The following RTL9 variants were observed in gnomAD, a reference collection of about 807,000 sequenced individuals.
The protein encoded by RTL9 is retrotransposon Gag like 9, also known as retrotransposon Gag-like protein 9.
RTL9 carries 19 observed loss-of-function variants against 44.7 expected under a neutral mutation model. The observed-to-expected ratio is 0.42, with a 90% CI of 0.30 to 0.62. The LOEUF (loss-of-function observed/expected upper bound fraction) is 0.62, where lower values mean the gene tolerates loss of function less well. Among genes scored for constraint, RTL9 ranks in the 20% least tolerant of loss-of-function variants. RTL9 has a pLI of 0.16. For synonymous variants in RTL9, 407 were observed against 398.9 expected (o/e 1.02, Z -0.24); for missense variants, 1,105 against 1,080.6 (o/e 1.02, Z -0.32).
upstream of RTL9, among the ~76,000 whole-genome samples, chrX:110,447,653 T>C (rs1208761661): frequency 1.8e-5 from 2 of 111,665 alleles, no homozygotes; most frequent in African/African-American, 6.5e-5. Context: ...AAAATGGGAA[T>C]GATCTCAGTG....
intron 1 of RTL9, among the ~76,000 whole-genome samples, chrX:110,406,993 C>T (rs1274286672): frequency 4.5e-5 from 5 of 111,515 alleles, no homozygotes; most frequent in Admixed American, 1.9e-4. Context: ...GAGCTGAATG[C>T]CTTCTTTGGC....
chrX:110,424,380 T>G (rs952008655), intron 1 of RTL9, among the ~76,000 whole-genome samples: 2 of 111,801 alleles, frequency 1.8e-5, no homozygotes, highest in Non-Finnish European at 3.8e-5. Flanking sequence ...CAGAACTGCA[T>G]TTTTCCAGCA....
intron 1 of RTL9, among the ~76,000 whole-genome samples, chrX:110,400,430 T>C (rs2068556481): frequency 9.1e-6 from 1 of 109,576 alleles, no homozygotes; most frequent in Non-Finnish European, 1.9e-5. Context: ...CCATGCCATA[T>C]TGGTTATCAT....
At chrX:110,384,094 A>G (rs1602953557) in intron 1 of RTL9, among the ~76,000 whole-genome samples, 1 of 112,030 alleles carries the variant, frequency 8.9e-6, no homozygotes, top group Non-Finnish European at 1.9e-5. Flanking sequence ...ACCTACTTGT[A>G]TATGTAATAT....
intron 1 of RTL9, among the ~76,000 whole-genome samples, chrX:110,433,688 G>C (rs979454987): frequency 9.0e-6 from 1 of 111,655 alleles, no homozygotes; most frequent in Non-Finnish European, 1.9e-5. Flanking sequence ...CATGAAAAGA[G>C]CTTAGGACAG....
In RTL9 at chrX:110,453,580, C is replaced by T. The variant is rs778799771; in HGVS notation, c.2963C>T (p.Thr988Met). 7 of 1,210,549 alleles carry T rather than the reference C, an allele frequency of 5.8e-6. No individual in the cohort carries two copies. Among genetic ancestry groups the T allele is most frequent in the African/African-American group, 5.2e-5 (3 of 57,371 alleles). ...ATGGAAACCATGGCCTCTGGAGCAA[C>T]GTCCACATTGCAAACCAGTGTTGCG... The change falls in exon 1 of 2, where the codon ACG (threonine) becomes ATG (methionine). Residue 988 changes from threonine (T) to methionine (M), a missense_variant. Transcript: ENST00000540313.
intron 1 of RTL9, among the ~76,000 whole-genome samples, chrX:110,361,101 C>T (rs1169676534): frequency 9.0e-6 from 1 of 110,637 alleles, no homozygotes; most frequent in Non-Finnish European, 1.9e-5. Flanking sequence ...CAAAACTGCC[C>T]CTGCCCACAA....
chrX:110,384,102 T>C (rs760132192), intron 1 of RTL9, among the ~76,000 whole-genome samples: 18 of 112,219 alleles, frequency 1.6e-4, no homozygotes, highest in African/African-American at 5.5e-4. Context: ...GTATATGTAA[T>C]ATACATGTGT....
exon 2 of RTL9, chrX:110,455,331 G>T (rs2068974396): frequency 8.3e-7 from 1 of 1,207,985 alleles, no homozygotes. Flanking sequence ...AAACTCCATG[G>T]AATCTTCTCC....
intron 1 of RTL9, among the ~76,000 whole-genome samples, chrX:110,364,791 T>C (rs1231661363): frequency 1.8e-5 from 2 of 112,024 alleles, no homozygotes; most frequent in African/African-American, 6.5e-5. Context: ...GATAGCATAA[T>C]ATTCTAAGTC....
intron 1 of RTL9, among the ~76,000 whole-genome samples, chrX:110,381,243 A>G (rs191269610): frequency 1.2e-4 from 13 of 111,920 alleles, no homozygotes; most frequent in African/African-American, 3.9e-4. Flanking sequence ...GCAAAAAACA[A>G]CCCCATTGAA....
chrX:110,429,233 T>G (rs2068777062), intron 1 of RTL9, among the ~76,000 whole-genome samples: 1 of 110,813 alleles, frequency 9.0e-6, no homozygotes, highest in Admixed American at 9.5e-5. Flanking sequence ...AAGGACTCTA[T>G]TTTGTTCATC....
At chrX:110,446,371 G>C (rs1234469142), upstream of RTL9, among the ~76,000 whole-genome samples, 1 of 110,935 alleles carries the variant, frequency 9.0e-6, no homozygotes, top group Non-Finnish European at 1.9e-5. Flanking sequence ...AAAATAAAGT[G>C]GTACAACCAT....
At position 110,451,709 on chromosome X, in the gene RTL9, G is replaced by A. The variant is rs751135044; in HGVS notation, c.1092G>A (p.Met364Ile). 5.8e-6 allele frequency: 7 copies of A among 1,209,570 alleles called. No homozygotes were observed. In the African/African-American group the frequency reaches 1.1e-4, roughly 18 times the overall value. Residue 364 changes from methionine to isoleucine, a missense_variant, in exon 1 of 2, where the codon ATG (methionine) becomes ATA (isoleucine). Met to Ile is a conservative substitution (Grantham distance 10, BLOSUM62 1). Coordinates refer to ENST00000540313, the Ensembl canonical transcript of RTL9. Reference sequence around the variant, plus strand: ...CTGGAGTGATGCCCACCCAAACGATGCCAGCCCCAGGCTCTGGGGCGATGT... The same window carrying A: ...CTGGAGTGATGCCCACCCAAACGATACCAGCCCCAGGCTCTGGGGCGATGT...
At chrX:110,409,138 G>C (rs1164335938) in intron 1 of RTL9, among the ~76,000 whole-genome samples, 3 of 111,472 alleles carry the variant, frequency 2.7e-5, no homozygotes, top group Non-Finnish European at 5.6e-5. Flanking sequence ...GCTGGAGTCA[G>C]GCATGTAGGT....
intron 1 of RTL9, among the ~76,000 whole-genome samples, chrX:110,378,223 G>T (rs770951969): frequency 2.5e-4 from 28 of 110,911 alleles, no homozygotes; most frequent in Middle Eastern, 9.3e-3. Flanking sequence ...GTATGGGAAG[G>T]TCCTTAATGC....
intron 1 of RTL9, among the ~76,000 whole-genome samples, chrX:110,375,837 GT>G (rs1188618793): frequency 8.9e-6 from 1 of 112,101 alleles, no homozygotes; most frequent in Non-Finnish European, 1.9e-5. Context: ...GACATTTTGA[GT>G]GAGGTAAATA....
intron 1 of RTL9, among the ~76,000 whole-genome samples, chrX:110,397,590 C>A (rs998315127): frequency 9.0e-6 from 1 of 110,903 alleles, no homozygotes; most frequent in African/African-American, 3.3e-5. Flanking sequence ...GCCAGAGCCA[C>A]AAAGAGACAC....
intron 1 of RTL9, among the ~76,000 whole-genome samples, chrX:110,370,879 C>T (rs2068333712): frequency 8.9e-6 from 1 of 111,776 alleles, no homozygotes; most frequent in Non-Finnish European, 1.9e-5. Context: ...AAAATTTGGA[C>T]CTCGTACAGT....
Sources: allele counts gnomAD v4.1 joint callset (sites outside exome capture counted in the v4.1 genomes callset), GRCh38; gene constraint gnomAD v4.1.1; transcripts MANE v1.5; gene names NCBI Gene and HGNC (gene_info 2026-07-23, HGNC 2026-07-21).